The following PPP1R2B variants were observed in gnomAD, a reference collection of about 807,000 sequenced individuals.
PPP1R2B encodes protein phosphatase inhibitor 2 family member B.
Under a neutral mutation model 17.6 loss-of-function variants are expected in PPP1R2B, and 13 were observed. The observed-to-expected ratio is 0.74, with a 90% CI of 0.48 to 1.17. PPP1R2B has a LOEUF of 1.17. PPP1R2B is among the 50% of genes most tolerant of loss of function. The pLI, the probability that PPP1R2B is intolerant of heterozygous loss-of-function variation, is 0.00. For missense variants in PPP1R2B, 230 were observed against 252.4 expected, an observed-to-expected ratio of 0.91 and a Z score of 0.60; for synonymous variants, 105 against 95.4, an observed-to-expected ratio of 1.10 and a Z score of -0.59.
rs1217475344 is a variant in PPP1R2B at position 156,850,651 on chromosome 5, A to T, written c.89A>T (p.Glu30Val). Residue 30 changes from glutamate (E) to valine (V), a missense_variant, in exon 1 of 1, where the codon GAA becomes GTA. Physicochemically the swap from Glu to Val is moderately radical, Grantham distance 121. Coordinates refer to ENST00000522232, the MANE Select transcript of PPP1R2B (RefSeq NM_206858.3). ...ACTTCCTCTATGGTGGCGTCGGCCG[A>T]ACAGCCCCGCAGGAGTGTCGACGAG... is the stretch of plus-strand genomic sequence containing the variant. ...STTSSMVASA[E>V]QPRRSVDEEL... 6.3e-7 allele frequency: 1 copy of T among 1,599,062 alleles called. No individual in the cohort carries two copies. The highest frequency in any genetic ancestry group is 1.3e-5 in the African/African-American group (1 of 74,576).
chr5:156,850,697 G>A lies in PPP1R2B; in HGVS notation c.135G>A (p.Gln45=). The A allele has an allele frequency of 6.4e-7, 1 of 1,560,380 alleles. No individual in the cohort carries two copies. The highest frequency in any genetic ancestry group is 8.8e-7 in the Non-Finnish European group (1 of 1,131,306). The change falls in exon 1 of 1, where the codon CAG becomes CAA. Residue 45 remains glutamine (Q), a synonymous_variant. Coordinates refer to ENST00000522232, the MANE Select transcript of PPP1R2B (RefSeq NM_206858.3). ...ACGAGGAGCTGAGCAAAAAATCCCA[G>A]AAGTGGGATGAAATTAACATCTTGG... ...SVDEELSKKS[Q]KWDEINILAT... is the part of the protein sequence containing the mutation.
At position 156,851,424 on chromosome 5, in the gene PPP1R2B, T is replaced by G. The variant is rs1234490182; in HGVS notation, c.*244T>G. On this transcript the variant is annotated 3_prime_UTR_variant, in exon 1 of 1. Coordinates refer to ENST00000522232, the MANE Select transcript of PPP1R2B (RefSeq NM_206858.3). ...GTAATATCATCAGTCCAAAACTGCATTACTTTCATAAGAACACTGGTTAAT... is the reference window on the plus strand; with the variant it reads ...GTAATATCATCAGTCCAAAACTGCAGTACTTTCATAAGAACACTGGTTAAT... The G allele has an allele frequency of 1.7e-6, 1 of 572,150 alleles. No homozygotes were observed. Among genetic ancestry groups the G allele is most frequent in the South Asian group, 2.4e-5 (1 of 42,474 alleles). 35.4% of individuals were successfully genotyped at this position (572,150 alleles called of 1,614,324 possible). A position where few individuals can be genotyped will look rare whatever the true frequency, so the allele number is the denominator to read the frequency against.
chr5:156,850,864 C>A lies in PPP1R2B; in HGVS notation c.302C>A (p.Ala101Asp), dbSNP rs752382881. 2 of 1,587,660 alleles carry A rather than the reference C, an allele frequency of 1.3e-6. No homozygotes were observed. The highest frequency in any genetic ancestry group is 1.7e-6 in the Non-Finnish European group (2 of 1,158,138). The change falls in exon 1 of 1, where the codon GCC (alanine) becomes GAC (aspartate). Residue 101 changes from alanine to aspartate, a missense_variant. By Grantham distance (126) the Ala-to-Asp change is moderately radical (BLOSUM62 -2). Coordinates refer to ENST00000522232, the MANE Select transcript of PPP1R2B (RefSeq NM_206858.3). The stretch of plus-strand genomic sequence containing the variant: ...GAAGCCATGGCGCCAGACATCCTAG[C>A]CAAGAAATTAGCTGCTGCTGAAGGC... The part of the protein sequence containing the change: ...TTEAMAPDIL[A>D]KKLAAAEGLE...
rs1217209826 is a variant in PPP1R2B, at chr5:156,852,512, G to A, written c.*1332G>A. 2.0e-5 allele frequency: 3 copies of A among 151,988 alleles called. No homozygotes were observed. The highest frequency in any genetic ancestry group is 4.8e-5 in the African/African-American group (2 of 41,424). The allele number at this position is 151,988 out of a possible 1,614,324, so 9.4% of individuals were successfully genotyped here. ...ATTATGTGGAATATTTTCCTTAAAC[G>A]AAGTGCAGGAAAGCCCTGTGTGTCT... On this transcript the variant is annotated 3_prime_UTR_variant, in exon 1 of 1. Transcript: ENST00000522232.
Position 156,851,154 on chromosome 5 carries a change from C to T in PPP1R2B, c.592C>T (p.Gln198Ter), listed in dbSNP as rs761532914. 16 of 1,579,082 alleles carry T rather than the reference C, an allele frequency of 1.0e-5. No individual in the cohort carries two copies. Among genetic ancestry groups the T allele is most frequent in the Middle Eastern group, 1.7e-4 (1 of 5,996 alleles). The change falls in exon 1 of 1, where the codon CAG becomes TAG. Residue 198 changes from glutamine (Q) to a stop codon, truncating the protein, a stop_gained. Transcript: ENST00000522232. LOFTEE classifies it high-confidence loss of function. ...SNQGSTPSDQ[Q>*]QNKLRSS ...TCAAGGATCTACTCCAAGTGACCAA[C>T]AGCAAAACAAATTACGAAGTTCATA...
At position 156,851,637 on chromosome 5, in the gene PPP1R2B, T is replaced by A. The variant is rs541940642; in HGVS notation, c.*457T>A. 2 of 162,942 alleles carry A rather than the reference T, an allele frequency of 1.2e-5. No homozygotes were observed. The highest frequency in any genetic ancestry group is 3.6e-4 in the East Asian group (2 of 5,504). The allele number at this position is 162,942 out of a possible 1,614,324, so 10.1% of individuals were successfully genotyped here. ...TTATAAATATTCAAGCTGAATCGTA[T>A]TTTAACACTTCTCTTCAACTTGATT... On this transcript the variant is annotated 3_prime_UTR_variant, in exon 1 of 1. Coordinates refer to ENST00000522232, the MANE Select transcript of PPP1R2B (RefSeq NM_206858.3).
In PPP1R2B at chr5:156,851,139, A is replaced by G. The variant is rs763938771; in HGVS notation, c.577A>G (p.Thr193Ala). The G allele has an allele frequency of 1.1e-5, 17 of 1,588,966 alleles. No individual in the cohort carries two copies. The highest frequency in any genetic ancestry group is 1.4e-5 in the Non-Finnish European group (16 of 1,157,224). Residue 193 changes from threonine to alanine, a missense_variant, in exon 1 of 1, where the codon ACT (threonine) becomes GCT (alanine). By Grantham distance (58) the Thr-to-Ala change is moderately conservative (BLOSUM62 0). Coordinates refer to ENST00000522232, the MANE Select transcript of PPP1R2B (RefSeq NM_206858.3). The part of the protein sequence containing the change: ...MNTEESNQGS[T>A]PSDQQQNKLR... ...TACGGAAGAATCAAATCAAGGATCTACTCCAAGTGACCAACAGCAAAACAA... is the reference window on the plus strand; with the variant it reads ...TACGGAAGAATCAAATCAAGGATCTGCTCCAAGTGACCAACAGCAAAACAA...
rs1190681293 is a variant in PPP1R2B, at chr5:156,850,307, C to G, written c.-256C>G. ...CACCACTCCCCGCGGAGCTCTAGGC[C>G]GGCATCTCTCCGCGAGCCGCGGGTC... On this transcript the variant is annotated 5_prime_UTR_variant, in exon 1 of 1. Coordinates refer to ENST00000522232, the MANE Select transcript of PPP1R2B (RefSeq NM_206858.3). 2.1e-5 allele frequency among the ~76,000 whole-genome samples: 3 copies of G among 143,998 alleles called. No homozygotes were observed. The highest frequency in any genetic ancestry group is 2.3e-4 in the South Asian group (1 of 4,350). The allele number at this position is 143,998 out of a possible 152,430, so 94.5% of individuals were successfully genotyped here. A position where few individuals can be genotyped will look rare whatever the true frequency, so the allele number is the denominator to read the frequency against.
At position 156,850,726 on chromosome 5, in the gene PPP1R2B, C is replaced by G; in HGVS notation, c.164C>G (p.Thr55Ser). 1 of 1,541,424 alleles carries G rather than the reference C, an allele frequency of 6.5e-7. No homozygotes were observed. ...TGGGATGAAATTAACATCTTGGCGA[C>G]CTATCATCCAGCAGACAAAGGCTAT... ...QKWDEINILA[T>S]YHPADKGYGL... Residue 55 changes from threonine to serine, a missense_variant, in exon 1 of 1, where the codon ACC becomes AGC. Physicochemically the swap from Thr to Ser is moderately conservative, Grantham distance 58. Coordinates refer to ENST00000522232, the MANE Select transcript of PPP1R2B (RefSeq NM_206858.3).
At position 156,850,813 on chromosome 5, in the gene PPP1R2B, A is replaced by T. The variant is rs1201991988; in HGVS notation, c.251A>T (p.Asp84Val). The T allele has an allele frequency of 2.0e-6, 3 of 1,505,508 alleles. No individual in the cohort carries two copies. The highest frequency in any genetic ancestry group is 1.7e-5 in the Admixed American group (1 of 59,846). The allele number at this position is 1,505,508 out of a possible 1,614,324, so 93.3% of individuals were successfully genotyped here. ...PYHSMMGDDE[D>V]ACRDTETTEA... ...CATAGTATGATGGGTGATGATGAAG[A>T]TGCGTGTAGGGACACCGAGACCACT... is the stretch of plus-strand genomic sequence containing the variant. The change falls in exon 1 of 1, where the codon GAT becomes GTT. Residue 84 changes from aspartate to valine, a missense_variant. Transcript: ENST00000522232.
chr5:156,850,488 C>G lies in PPP1R2B; in HGVS notation c.-75C>G. On this transcript the variant is annotated 5_prime_UTR_variant, in exon 1 of 1. Transcript: ENST00000522232. ...GGGCTCTGCGGCTGCCTGCGAGTCTCTGCTGTGCCGACCCTTCTCTTCGCG... is the reference window on the plus strand; with the variant it reads ...GGGCTCTGCGGCTGCCTGCGAGTCTGTGCTGTGCCGACCCTTCTCTTCGCG... The G allele has an allele frequency of 1.3e-6, 2 of 1,532,824 alleles. No individual in the cohort carries two copies. Among genetic ancestry groups the G allele is most frequent in the Non-Finnish European group, 1.8e-6 (2 of 1,134,378 alleles). The allele number at this position is 1,532,824 out of a possible 1,614,324, so 95.0% of individuals were successfully genotyped here. A position where few individuals can be genotyped will look rare whatever the true frequency, so the allele number is the denominator to read the frequency against.
In PPP1R2B at chr5:156,851,508, G is replaced by A. The variant is rs191463329; in HGVS notation, c.*328G>A. On this transcript the variant is annotated 3_prime_UTR_variant, in exon 1 of 1. Coordinates refer to ENST00000522232, the MANE Select transcript of PPP1R2B (RefSeq NM_206858.3). ...AGAAGTTAAGCAATATCTTTGGGGG[G>A]GAACTAATTTATTTTCATCACTCGA... 3,043 of 333,814 alleles carry A rather than the reference G, an allele frequency of 9.1e-3. 23 individuals carry two copies. The highest frequency in any genetic ancestry group is 0.011 in the Non-Finnish European group (2,109 of 185,090). The allele number at this position is 333,814 out of a possible 1,614,324, so 20.7% of individuals were successfully genotyped here.
In PPP1R2B at chr5:156,852,436, A is replaced by G. The variant is rs1758493342; in HGVS notation, c.*1256A>G. On this transcript the variant is annotated 3_prime_UTR_variant, in exon 1 of 1. Coordinates refer to ENST00000522232, the MANE Select transcript of PPP1R2B (RefSeq NM_206858.3). ...TAAATAGTCCCTGCTTTAAGGGAAT[A>G]TGATAATGTATACTATGACAAATGT... The G allele has an allele frequency of 1.3e-5, 2 of 152,138 alleles. No individual in the cohort carries two copies. The highest frequency in any genetic ancestry group is 1.3e-4 in the Admixed American group (2 of 15,274). 9.4% of individuals were successfully genotyped at this position (152,138 alleles called of 1,614,324 possible). A position where few individuals can be genotyped will look rare whatever the true frequency, so the allele number is the denominator to read the frequency against.
In PPP1R2B at chr5:156,851,112, A is replaced by G. The variant is rs748413054; in HGVS notation, c.550A>G (p.Asn184Asp). The change falls in exon 1 of 1, where the codon AAT becomes GAT. Residue 184 changes from asparagine (N) to aspartate (D), a missense_variant. Transcript: ENST00000522232. ...MLETADGESM[N>D]TEESNQGSTP... ...AGAGACTGCAGATGGAGAAAGCATG[A>G]ATACGGAAGAATCAAATCAAGGATC... 1.3e-6 allele frequency: 2 copies of G among 1,591,236 alleles called. No individual in the cohort carries two copies. Among genetic ancestry groups the G allele is most frequent in the Non-Finnish European group, 1.7e-6 (2 of 1,159,120 alleles).
rs1315716499 is a variant in PPP1R2B, at chr5:156,851,795, T to TC, written c.*619dup. 6.5e-6 allele frequency: 1 copy of TC among 152,724 alleles called. No individual in the cohort carries two copies. Among genetic ancestry groups the TC allele is most frequent in the Non-Finnish European group, 1.5e-5 (1 of 68,076 alleles). 9.5% of individuals were successfully genotyped at this position (152,724 alleles called of 1,614,324 possible). A position where few individuals can be genotyped will look rare whatever the true frequency, so the allele number is the denominator to read the frequency against. On this transcript the variant is annotated 3_prime_UTR_variant, in exon 1 of 1. Transcript: ENST00000522232. ...TTTTTCTCATCAAAACTAGCTTTTT[T>TC]CCCCACAAATAAATTATCAGGTTAA...
chr5:156,851,213 A>G lies in PPP1R2B; in HGVS notation c.*33A>G. 1 of 1,495,366 alleles carries G rather than the reference A, an allele frequency of 6.7e-7. No individual in the cohort carries two copies. Among genetic ancestry groups the G allele is most frequent in the South Asian group, 1.1e-5 (1 of 88,642 alleles). The allele number at this position is 1,495,366 out of a possible 1,614,324, so 92.6% of individuals were successfully genotyped here. ...TTGTTCAACACTGCAATTGTTTGTT[A>G]GATATAAACCCTGTGACTATAATAC... On this transcript the variant is annotated 3_prime_UTR_variant, in exon 1 of 1. Coordinates refer to ENST00000522232, the MANE Select transcript of PPP1R2B (RefSeq NM_206858.3).
rs758939005 is a variant in PPP1R2B at position 156,851,080 on chromosome 5, A to C, written c.518A>C (p.Glu173Ala). ...KDLHDDDEDE[E>A]MLETADGESM... ...CTACATGATGATGATGAAGATGAAG[A>C]AATGTTAGAGACTGCAGATGGAGAA... is the stretch of plus-strand genomic sequence containing the variant. Residue 173 changes from glutamate to alanine, a missense_variant, in exon 1 of 1, where the codon GAA (glutamate) becomes GCA (alanine). Glu to Ala is a moderately radical substitution (Grantham distance 107). Coordinates refer to ENST00000522232, the MANE Select transcript of PPP1R2B (RefSeq NM_206858.3). 3.3e-5 allele frequency: 52 copies of C among 1,595,122 alleles called. No homozygotes were observed. The highest frequency in any genetic ancestry group is 4.0e-5 in the Non-Finnish European group (46 of 1,162,890).
In PPP1R2B at chr5:156,851,477, T is replaced by C. The variant is rs1758480057; in HGVS notation, c.*297T>C. The stretch of plus-strand genomic sequence containing the variant: ...GTATAAGATATTATAGAGCTTTTTA[T>C]GCTTTAGAAGTTAAGCAATATCTTT... On this transcript the variant is annotated 3_prime_UTR_variant, in exon 1 of 1. Transcript: ENST00000522232. The C allele has an allele frequency of 6.7e-6, 3 of 449,478 alleles. No individual in the cohort carries two copies. The highest frequency in any genetic ancestry group is 7.8e-6 in the Non-Finnish European group (2 of 256,324). The allele number at this position is 449,478 out of a possible 1,614,324, so 27.8% of individuals were successfully genotyped here. A position where few individuals can be genotyped will look rare whatever the true frequency, so the allele number is the denominator to read the frequency against.
Position 156,850,760 on chromosome 5 carries a change from GAA to G in PPP1R2B, c.201_202del (p.Lys67AsnfsTer3). 1 of 1,516,410 alleles carries G rather than the reference GAA, an allele frequency of 6.6e-7. No homozygotes were observed. The highest frequency in any genetic ancestry group is 9.2e-7 in the Non-Finnish European group (1 of 1,091,210). The allele number at this position is 1,516,410 out of a possible 1,614,324, so 93.9% of individuals were successfully genotyped here. ...HPADKGYGLM[K>X]IDEPSPPYHS... ...CAGCAGACAAAGGCTATGGTTTAAT[GAA>G]AATAGATGAACCAAGCCCTCCTTAC... On this transcript the variant is annotated frameshift_variant, in exon 1 of 1. Coordinates refer to ENST00000522232, the MANE Select transcript of PPP1R2B (RefSeq NM_206858.3). LOFTEE classifies it high-confidence loss of function.
Sources: gnomAD v4.1 joint callset for allele counts (sites outside exome capture counted in the v4.1 genomes callset) on GRCh38, gnomAD v4.1.1 for gene constraint, MANE v1.5 for transcripts, NCBI Gene and HGNC (gene_info 2026-07-23, HGNC 2026-07-21) for gene names.